The following TSKS variants were observed in gnomAD, a reference collection of about 807,000 sequenced individuals.
The protein encoded by TSKS is testis-specific serine kinase substrate.
Under a neutral mutation model 68.0 loss-of-function variants are expected in TSKS, and 27 were observed. That is an observed-to-expected ratio of 0.40 (90% CI 0.29 to 0.55). TSKS has a LOEUF of 0.55. Among genes scored for constraint, TSKS ranks in the 20% least tolerant of loss-of-function variants. The pLI is 0.53. For missense variants in TSKS, 806 were observed against 776.0 expected (o/e 1.04, Z -0.46); for synonymous variants, 331 against 340.4 (o/e 0.97, Z 0.30).
chr19:49,757,551 G>A (rs927097456), intron 2 of TSKS, among the ~76,000 whole-genome samples: 4 of 152,160 alleles, frequency 2.6e-5, no homozygotes, highest in African/African-American at 4.8e-5. Flanking sequence ...TGACCTCATG[G>A]AGAGGACTTC....
At chr19:49,746,918 T>C in intron 5 of TSKS, 120 bp from the exon 6 acceptor site, 1 of 1,495,384 alleles carries the variant, frequency 6.7e-7, no homozygotes, top group South Asian at 1.3e-5. Context: ...GTGGGGACAG[T>C]ATGTTGGAAG....
intron 2 of TSKS, among the ~76,000 whole-genome samples, chr19:49,750,298 T>A (rs1023204218): frequency 3.3e-5 from 5 of 151,674 alleles, no homozygotes; most frequent in Non-Finnish European, 7.4e-5. Flanking sequence ...CTTGCTCTTT[T>A]GTCAGGCTGG....
chr19:49,753,289 G>A (rs149495250), intron 2 of TSKS, among the ~76,000 whole-genome samples: 15 of 152,142 alleles, frequency 9.9e-5, no homozygotes, highest in Admixed American at 7.2e-4. Context: ...TAGGCCGGGC[G>A]TGTTGGCTCA....
At chr19:49,756,766 T>C (rs1469656305) in intron 2 of TSKS, among the ~76,000 whole-genome samples, 1 of 152,098 alleles carries the variant, frequency 6.6e-6, no homozygotes, top group Non-Finnish European at 1.5e-5. Flanking sequence ...ACCCAGGAAA[T>C]AGAATAAGGC....
chr19:49,756,478 C>T (rs1057164842), intron 2 of TSKS, among the ~76,000 whole-genome samples: 34 of 149,976 alleles, frequency 2.3e-4, no homozygotes, highest in African/African-American at 7.4e-4. Context: ...ATAAATGTTA[C>T]ATACCATATT....
chr19:49,743,118 G>A (rs139834302), intron 8 of TSKS, among the ~76,000 whole-genome samples: 2,042 of 148,742 alleles, frequency 0.014, 33 homozygotes, highest in South Asian at 0.026. Flanking sequence ...TCTTGCTGTC[G>A]CCCAGGCTGG....
intron 2 of TSKS, among the ~76,000 whole-genome samples, chr19:49,759,794 C>T (rs2084425530): frequency 6.6e-6 from 1 of 151,676 alleles, no homozygotes; most frequent in Admixed American, 6.6e-5. Flanking sequence ...ATTATCATGC[C>T]AGTGCACTCC....
intron 2 of TSKS, among the ~76,000 whole-genome samples, chr19:49,751,899 CAA>C (rs61310693): frequency 0.075 from 3,104 of 41,410 alleles, 16 homozygotes; most frequent in Non-Finnish European, 0.091. Flanking sequence ...CCCAACTCTA[CAA>C]AAAAAAAAAA....
Position 49,739,921 on chromosome 19 carries a change from G to A in TSKS, c.1634C>T (p.Ala545Val). The change falls in exon 11 of 11, where the codon GCC becomes GTC. Residue 545 changes from alanine to valine, a missense_variant. Ala to Val is a moderately conservative substitution (Grantham distance 64). Transcript: ENST00000246801. ...TDKMKPEEKM[A>V]TLDHLHLKMC... ...CTTCAAGTGTAGATGGTCCAGAGTG[G>A]CCATCTTCTCCCTGTCATGAGGCAG... 6.2e-7 allele frequency: 1 copy of A among 1,611,396 alleles called. No individual in the cohort carries two copies. Among genetic ancestry groups the A allele is most frequent in the Non-Finnish European group, 8.5e-7 (1 of 1,178,124 alleles).
intron 9 of TSKS, 140 bp from the exon 10 acceptor site, chr19:49,740,323 T>TAGG (rs2084242028): frequency 9.6e-7 from 1 of 1,038,418 alleles, no homozygotes; most frequent in African/African-American, 1.6e-5. Flanking sequence ...GCCTTGAGCT[T>TAGG]GAGACTGACC....
In TSKS at chr19:49,744,218, C is replaced by T. The variant is rs771356076; in HGVS notation, c.1361+13G>A. 1.2e-6 allele frequency: 2 copies of T among 1,607,526 alleles called. No individual in the cohort carries two copies. The highest frequency in any genetic ancestry group is 1.1e-5 in the South Asian group (1 of 90,986). ...ATCCACAAGGCTCCCAGAGGCAAGCCCAGCCCCGTTACCTGGCACAGCGGG... is the reference window on the plus strand; with the variant it reads ...ATCCACAAGGCTCCCAGAGGCAAGCTCAGCCCCGTTACCTGGCACAGCGGG... On this transcript the variant is annotated intron_variant, in intron 8 of 10. Transcript: ENST00000246801.
At chr19:49,748,277 C>T in intron 3 of TSKS, 97 bp downstream of exon 3, 1 of 1,556,046 alleles carries the variant, frequency 6.4e-7, no homozygotes, top group Non-Finnish European at 8.8e-7. Context: ...TCAAGCTCCC[C>T]AACTGAGCTA....
At chr19:49,756,470 A>G (rs2084393484) in intron 2 of TSKS, among the ~76,000 whole-genome samples, 2 of 152,008 alleles carry the variant, frequency 1.3e-5, no homozygotes, top group Admixed American at 6.6e-5. Flanking sequence ...AAAAACAAAT[A>G]AATGTTACAT....
At position 49,763,303 on chromosome 19, in the gene TSKS, C is replaced by T; in HGVS notation, c.-56G>A. The T allele has an allele frequency of 1.4e-6, 2 of 1,465,984 alleles. No individual in the cohort carries two copies. Among genetic ancestry groups the T allele is most frequent in the Non-Finnish European group, 9.0e-7 (1 of 1,115,728 alleles). 90.8% of individuals were successfully genotyped at this position (1,465,984 alleles called of 1,614,324 possible). ...TCCTTCCTCTGAGACTTCCTACCTA[C>T]TGTGACCACAGACCCTCAGGATCCA... On this transcript the variant is annotated 5_prime_UTR_variant, in exon 1 of 11. Transcript: ENST00000246801. The surrounding 1 kb of genome is among the most constrained non-coding windows in gnomAD (Gnocchi z 4.5).
At chr19:49,748,206 G>A (rs1050886009) in intron 3 of TSKS, 38 bp from the exon 4 acceptor site, 5 of 1,606,340 alleles carry the variant, frequency 3.1e-6, no homozygotes, top group South Asian at 1.1e-5. Flanking sequence ...CCAAGGACAC[G>A]AGGGGACAGC....
chr19:49,744,684 G>A (rs939053255), intron 7 of TSKS, among the ~76,000 whole-genome samples: 9 of 152,024 alleles, frequency 5.9e-5, no homozygotes, highest in Non-Finnish European at 1.0e-4. Context: ...CTGGGCTCAA[G>A]CGATCACTCC....
At chr19:49,750,913 G>A (rs569896780) in intron 2 of TSKS, among the ~76,000 whole-genome samples, 7 of 152,302 alleles carry the variant, frequency 4.6e-5, no homozygotes, top group South Asian at 4.1e-4. Flanking sequence ...TTCCTCCCTT[G>A]TGAGATGGAG....
chr19:49,741,830 C>T (rs1200898645), intron 9 of TSKS, 55 bp downstream of exon 9: 21 of 1,611,770 alleles, frequency 1.3e-5, no homozygotes, highest in Non-Finnish European at 8.5e-7. Flanking sequence ...GGTTCCCCTC[C>T]CCTTGCCCCA....
At chr19:49,757,411 A>G (rs976213167) in intron 2 of TSKS, among the ~76,000 whole-genome samples, 1 of 152,228 alleles carries the variant, frequency 6.6e-6, no homozygotes, top group Non-Finnish European at 1.5e-5. Context: ...TCACAGCAAT[A>G]GAAAGCATTA....
Sources: gnomAD v4.1 joint callset for allele counts (sites outside exome capture counted in the v4.1 genomes callset) on GRCh38, gnomAD v4.1.1 for gene constraint, Gnocchi (gnomAD v3.1) non-coding constraint, MANE v1.5 for transcripts, NCBI Gene and HGNC (gene_info 2026-07-23, HGNC 2026-07-21) for gene names.